The following EIF4G3 variants were observed in gnomAD, a reference collection of about 807,000 sequenced individuals.
EIF4G3 encodes the protein eukaryotic translation initiation factor 4 gamma 3.
A neutral mutation model predicts 186.4 loss-of-function variants in EIF4G3; 34 were observed. That is an observed-to-expected ratio of 0.18 (90% CI 0.14 to 0.24). EIF4G3 has a LOEUF of 0.24. EIF4G3 is among the 10% of genes least tolerant of loss of function. The pLI is 1.00. For missense variants in EIF4G3, 1,536 were observed against 1,948.5 expected, an observed-to-expected ratio of 0.79 and a Z score of 3.99; for synonymous variants, 673 against 679.5, an observed-to-expected ratio of 0.99 and a Z score of 0.15.
intron 4 of EIF4G3, among the ~76,000 whole-genome samples, chr1:21,024,571 C>T (rs1017869774): frequency 8.0e-5 from 12 of 149,690 alleles, no homozygotes; most frequent in African/African-American, 2.0e-4. Flanking sequence ...CCTTGGGATC[C>T]TGTTGATCTG....
intron 35 of EIF4G3, among the ~76,000 whole-genome samples, chr1:20,811,301 C>CTA (rs2059196840): frequency 6.6e-6 from 1 of 152,004 alleles, no homozygotes; most frequent in Non-Finnish European, 1.5e-5. Context: ...ATAATAGAGA[C>CTA]AGGGTCTCGC....
At chr1:20,957,029 C>G (rs970372099) in intron 12 of EIF4G3, among the ~76,000 whole-genome samples, 11 of 152,176 alleles carry the variant, frequency 7.2e-5, no homozygotes, top group Non-Finnish European at 1.5e-5. Context: ...CTTGGGCTAA[C>G]AGCATTCAGA....
intron 2 of EIF4G3, among the ~76,000 whole-genome samples, chr1:21,109,000 A>C (rs2096667954): frequency 6.6e-6 from 1 of 151,504 alleles, no homozygotes; most frequent in African/African-American, 2.4e-5. Context: ...GGTGGATCGC[A>C]TGAGGCAAAG....
Position 20,865,185 on chromosome 1 carries a change from C to T in EIF4G3, c.2700G>A (p.Glu900=), listed in dbSNP as rs749748115. 6 of 1,614,194 alleles carry T rather than the reference C, an allele frequency of 3.7e-6. No homozygotes were observed. The South Asian group carries it at 5.5e-5, about 15-fold the overall frequency. Residue 900 remains glutamate (E), a synonymous_variant, in exon 21 of 37, where the codon GAG becomes GAA. Coordinates refer to ENST00000602326, the MANE Select transcript of EIF4G3 (RefSeq NM_001391906.1). ...RKLLLNRCQK[E]FEKDKADDDV... is the part of the protein sequence containing the mutation. ...CATCATCTGCTTTATCTTTTTCAAACTCCTTCTGGCAACGGTTCAGTAGCA... is the reference window on the plus strand; with the variant it reads ...CATCATCTGCTTTATCTTTTTCAAATTCCTTCTGGCAACGGTTCAGTAGCA...
At chr1:21,077,825 A>C (rs562782887) in intron 3 of EIF4G3, among the ~76,000 whole-genome samples, 1 of 151,482 alleles carries the variant, frequency 6.6e-6, no homozygotes, top group Admixed American at 6.6e-5. Context: ...GGTTGTGGTG[A>C]GCCAAGATCA....
In EIF4G3 at chr1:20,886,383, A is replaced by T; in HGVS notation, c.2254-12T>A. 3.1e-6 allele frequency: 5 copies of T among 1,611,682 alleles called. No homozygotes were observed. Among genetic ancestry groups the T allele is most frequent in the Non-Finnish European group, 3.4e-6 (4 of 1,179,176 alleles). On this transcript the variant is annotated splice_polypyrimidine_tract_variant and intron_variant, in intron 18 of 36. Coordinates refer to ENST00000602326, the MANE Select transcript of EIF4G3 (RefSeq NM_001391906.1). ...CCAACATTCAACAACTAGGACAAGA[A>T]TATTACAGCTATTCAGAGTACTTAC...
intron 2 of EIF4G3, among the ~76,000 whole-genome samples, chr1:21,131,305 ACTACAACATAGGGAAG>A: frequency 6.8e-6 from 1 of 146,716 alleles, no homozygotes. Context: ...AATTACTCAA[ACTACAACATAGGGAAG>A]AAAAAAAAAA....
intron 3 of EIF4G3, among the ~76,000 whole-genome samples, chr1:21,081,283 T>G (rs2095773187): frequency 6.6e-6 from 1 of 152,024 alleles, no homozygotes; most frequent in Non-Finnish European, 1.5e-5. Context: ...ATACAAAAAA[T>G]TAGCTGGGCA....
chr1:20,817,941 C>T (rs970284190), intron 33 of EIF4G3, among the ~76,000 whole-genome samples: 6 of 151,962 alleles, frequency 3.9e-5, no homozygotes, highest in South Asian at 2.1e-4. Context: ...CTCCCAAAGA[C>T]GGGATTACAG....
At chr1:20,891,616 C>CAAAAAAAA (rs11343165) in intron 18 of EIF4G3, among the ~76,000 whole-genome samples, 35 of 81,614 alleles carry the variant, frequency 4.3e-4, no homozygotes, top group Non-Finnish European at 5.9e-4. Context: ...ACTAAAAATA[C>CAAAAAAAA]AAAAAAAAAA....
At chr1:20,822,128 G>A (rs1571106172) in intron 33 of EIF4G3, among the ~76,000 whole-genome samples, 2 of 151,916 alleles carry the variant, frequency 1.3e-5, no homozygotes, top group Non-Finnish European at 2.9e-5. Flanking sequence ...CGCCCGCCTC[G>A]GCCTCTCAAA....
intron 13 of EIF4G3, among the ~76,000 whole-genome samples, chr1:20,942,994 T>C (rs1471148549): frequency 6.6e-6 from 1 of 152,008 alleles, no homozygotes; most frequent in Non-Finnish European, 1.5e-5. Flanking sequence ...CCAGAAATAA[T>C]GTAAGGTATA....
intron 4 of EIF4G3, among the ~76,000 whole-genome samples, chr1:21,013,491 T>C (rs1400367964): frequency 6.6e-6 from 1 of 152,202 alleles, no homozygotes; most frequent in Non-Finnish European, 1.5e-5. Context: ...TGCATCGTTC[T>C]GGCTTGTCTG....
chr1:20,884,180 C>T (rs1489572555), intron 19 of EIF4G3, among the ~76,000 whole-genome samples: 1 of 152,126 alleles, frequency 6.6e-6, no homozygotes, highest in Non-Finnish European at 1.5e-5. Flanking sequence ...AAAAATTCTC[C>T]ATTAGATTTG....
intron 12 of EIF4G3, among the ~76,000 whole-genome samples, chr1:20,958,990 G>T (rs1192423016): frequency 2.6e-5 from 4 of 151,898 alleles, no homozygotes; most frequent in Non-Finnish European, 5.9e-5. Flanking sequence ...GCAATCTACA[G>T]ATTCAATGTA....
At chr1:21,145,225 A>G (rs941061806) in intron 2 of EIF4G3, among the ~76,000 whole-genome samples, 2 of 152,172 alleles carry the variant, frequency 1.3e-5, no homozygotes, top group African/African-American at 4.8e-5. Flanking sequence ...CAACTCTCTC[A>G]TATAGACAAG....
intron 4 of EIF4G3, among the ~76,000 whole-genome samples, chr1:21,030,519 C>T (rs929002931): frequency 6.6e-6 from 1 of 152,206 alleles, no homozygotes; most frequent in Non-Finnish European, 1.5e-5. Context: ...TCCAACAAAC[C>T]TCTTTCTTTT....
In EIF4G3 at chr1:21,113,650, T is replaced by C. The variant is rs117880556; in HGVS notation, c.-271-24437A>G. Among the ~76,000 whole-genome samples the C allele has an allele frequency of 1.3e-3, 198 of 152,292 alleles. 2 individuals are homozygous for C. In the East Asian group the frequency reaches 0.014, roughly 11 times the overall value. On this transcript the variant is annotated intron_variant, in intron 2 of 36. Transcript: ENST00000602326. Reference sequence around the variant, plus strand: ...GTCCATGATTTTGTAACATCATTCATTGGTCACCTGGAAAATACTGGTGCA... The same window carrying C: ...GTCCATGATTTTGTAACATCATTCACTGGTCACCTGGAAAATACTGGTGCA...
rs12060865 is a variant in EIF4G3 at position 21,118,114 on chromosome 1, T to C, written c.-271-28901A>G. Among the ~76,000 whole-genome samples, 583 of 152,282 alleles carry C rather than the reference T, an allele frequency of 3.8e-3. 4 individuals are homozygous for C. The highest frequency in any genetic ancestry group is 0.013 in the African/African-American group (560 of 41,576). The stretch of plus-strand genomic sequence containing the variant: ...ATTTGAGAAGACATTAGAAAAGTTA[T>C]TAAGAAATTTCATGATTTTGTTCAT... On this transcript the variant is annotated intron_variant, in intron 2 of 36. Coordinates refer to ENST00000602326, the MANE Select transcript of EIF4G3 (RefSeq NM_001391906.1).
Sources: gnomAD v4.1 joint callset for allele counts (sites outside exome capture counted in the v4.1 genomes callset) on GRCh38, gnomAD v4.1.1 for gene constraint, MANE v1.5 for transcripts, NCBI Gene and HGNC (gene_info 2026-07-23, HGNC 2026-07-21) for gene names.